Variants in ADAM7 observed in about 807,000 individuals in gnomAD.
ADAM7 encodes disintegrin and metalloproteinase domain-containing protein 7.
In ADAM7, 97 loss-of-function variants were observed where a neutral mutation model predicts 102.9. The ratio of observed to expected loss-of-function variants is 0.94; its 90% CI spans 0.80 to 1.12. The LOEUF is 1.12. Among genes scored for constraint, ADAM7 ranks in the 50% most tolerant of loss-of-function variants. ADAM7 has a pLI of 0.00. For missense variants in ADAM7, 991 were observed against 908.7 expected (o/e 1.09, Z -1.16); for synonymous variants, 334 against 304.4 (o/e 1.10, Z -1.01).
At chr8:24,492,386 T>C (rs1383511016) in intron 14 of ADAM7, 109 bp from the exon 15 acceptor site, 3 of 835,710 alleles carry the variant, frequency 3.6e-6, no homozygotes, top group Non-Finnish European at 5.6e-6. Flanking sequence ...CCATTCTACT[T>C]CACTATGACA....
intron 15 of ADAM7, 112 bp from the exon 16 acceptor site, chr8:24,492,931 C>G: frequency 8.6e-7 from 1 of 1,163,448 alleles, no homozygotes; most frequent in Non-Finnish European, 1.2e-6. Context: ...GCCTCCTTAA[C>G]TTGGCAAGAA....
chr8:24,485,928 G>A (rs1036927034), intron 10 of ADAM7, among the ~76,000 whole-genome samples: 9 of 152,022 alleles, frequency 5.9e-5, no homozygotes, highest in South Asian at 2.1e-4. Flanking sequence ...TCTTTATGTC[G>A]CGCCTAATTG....
rs1243487244 is a variant in ADAM7 at position 24,509,121 on chromosome 8, T to C, written c.*575T>C. 1.0e-6 allele frequency: 1 copy of C among 985,306 alleles called. No homozygotes were observed. The highest frequency in any genetic ancestry group is 1.7e-5 in the African/African-American group (1 of 57,226). The allele number at this position is 985,306 out of a possible 1,614,324, so 61.0% of individuals were successfully genotyped here. A position where few individuals can be genotyped will look rare whatever the true frequency, so the allele number is the denominator to read the frequency against. On this transcript the variant is annotated 3_prime_UTR_variant, in exon 22 of 22. Transcript: ENST00000175238. ...AGGATAGTCCTTAAAATAATGGTGG[T>C]GGGAAAGGAAAACACAGAATGCTCC...
intron 20 of ADAM7, among the ~76,000 whole-genome samples, chr8:24,502,482 T>C (rs1480934551): frequency 1.3e-5 from 2 of 152,012 alleles, no homozygotes; most frequent in Non-Finnish European, 2.9e-5. Flanking sequence ...TTGAGAAGAT[T>C]AATAAATTTT....
At position 24,507,668 on chromosome 8, in the gene ADAM7, ATTTT is replaced by A. The variant is rs11307556; in HGVS notation, c.2264+145_2264+148del. On this transcript the variant is annotated intron_variant, in intron 21 of 21. Coordinates refer to ENST00000175238, the MANE Select transcript of ADAM7 (RefSeq NM_003817.4). Reference sequence around the variant, plus strand: ...ATCACAACAGATTAGGAAGGTTAGAATTTTTTTTTTTTTTTGCTGATATGCTTAA... The same window carrying A: ...ATCACAACAGATTAGGAAGGTTAGAATTTTTTTTTTTGCTGATATGCTTAA... 5.4e-3 allele frequency: 2,960 copies of A among 543,872 alleles called. 56 individuals carry two copies. Among genetic ancestry groups the A allele is most frequent in the African/African-American group, 0.05 (2,535 of 50,968 alleles). 33.7% of individuals were successfully genotyped at this position (543,872 alleles called of 1,614,324 possible). A position where few individuals can be genotyped will look rare whatever the true frequency, so the allele number is the denominator to read the frequency against.
chr8:24,500,240 A>C lies in ADAM7; in HGVS notation c.1986A>C (p.Glu662Asp). 1 of 1,611,308 alleles carries C rather than the reference A, an allele frequency of 6.2e-7. No individual in the cohort carries two copies. Among genetic ancestry groups the C allele is most frequent in the Non-Finnish European group, 8.5e-7 (1 of 1,177,816 alleles). ...EEGQAPVACE[E>D]TLHVTNITIL... is the part of the protein sequence containing the mutation. ...GACAGGCACCTGTAGCCTGTGAAGA[A>C]ACCTTACATGTTACCAGTGAGCATC... Residue 662 changes from glutamate to aspartate, a missense_variant, in exon 18 of 22, where the codon GAA (glutamate) becomes GAC (aspartate). By Grantham distance (45) the Glu-to-Asp change is conservative (BLOSUM62 2). Transcript: ENST00000175238.
At chr8:24,507,378 T>C in intron 20 of ADAM7, 102 bp from the exon 21 acceptor site, 1 of 877,088 alleles carries the variant, frequency 1.1e-6, no homozygotes, top group Non-Finnish European at 1.9e-6. Flanking sequence ...CCTGCGTGTG[T>C]ATGTGCTCAT....
At chr8:24,504,042 ATAAAATAAAATAAAAT>A (rs1341564267) in intron 20 of ADAM7, among the ~76,000 whole-genome samples, 1 of 148,392 alleles carries the variant, frequency 6.7e-6, no homozygotes, top group Non-Finnish European at 1.5e-5. Flanking sequence ...ATAAAATAAA[ATAAAATAAAATAAAAT>A]AAAATAAATA....
chr8:24,500,370 G>C (rs1820716282), intron 18 of ADAM7, 114 bp downstream of exon 18: 1 of 931,892 alleles, frequency 1.1e-6, no homozygotes, highest in Non-Finnish European at 1.6e-6. Flanking sequence ...GGATTTGTAT[G>C]GTCTTCATAT....
At chr8:24,462,669 G>C (rs1302428075) in intron 3 of ADAM7, among the ~76,000 whole-genome samples, 1 of 152,104 alleles carries the variant, frequency 6.6e-6, no homozygotes, top group Non-Finnish European at 1.5e-5. Context: ...TGGAATGTCT[G>C]TCTAGTAGTA....
chr8:24,476,875 G>C (rs1174967738), intron 8 of ADAM7, among the ~76,000 whole-genome samples: 1 of 152,090 alleles, frequency 6.6e-6, no homozygotes, highest in Non-Finnish European at 1.5e-5. Context: ...CCATGGTTTG[G>C]CATAGAAAGT....
chr8:24,486,202 A>G (rs541525206), intron 10 of ADAM7, among the ~76,000 whole-genome samples: 1 of 152,316 alleles, frequency 6.6e-6, no homozygotes, highest in Non-Finnish European at 1.5e-5. Flanking sequence ...GAGTAAGATG[A>G]GATGACCAAA....
Position 24,489,238 on chromosome 8 carries a change from C to A in ADAM7, c.1171C>A (p.Leu391Ile). The change falls in exon 12 of 22, where the codon CTC (leucine) becomes ATC (isoleucine). Residue 391 changes from leucine to isoleucine, a missense_variant. Coordinates refer to ENST00000175238, the MANE Select transcript of ADAM7 (RefSeq NM_003817.4). ...GAAGGATTATAAGCCAACATGCATGCTCAACATTCCATTTCCTTACAATTT... is the reference window on the plus strand; with the variant it reads ...GAAGGATTATAAGCCAACATGCATGATCAACATTCCATTTCCTTACAATTT... ...YLKDYKPTCMLNIPFPYNFHD... is the reference protein window; with the variant it reads ...YLKDYKPTCMINIPFPYNFHD... 1 of 1,613,714 alleles carries A rather than the reference C, an allele frequency of 6.2e-7. No individual in the cohort carries two copies. The highest frequency in any genetic ancestry group is 8.5e-7 in the Non-Finnish European group (1 of 1,179,742).
intron 3 of ADAM7, among the ~76,000 whole-genome samples, chr8:24,453,819 A>G (rs984439364): frequency 2.6e-5 from 4 of 151,972 alleles, no homozygotes; most frequent in African/African-American, 7.3e-5. Context: ...TGATGTACAG[A>G]TGGGTTTTTG....
At chr8:24,460,367 A>G (rs1477483132) in intron 3 of ADAM7, among the ~76,000 whole-genome samples, 2 of 152,026 alleles carry the variant, frequency 1.3e-5, no homozygotes, top group African/African-American at 4.8e-5. Flanking sequence ...ATAGGTTAAC[A>G]TTTAATGTTA....
At chr8:24,466,406 A>C (rs1394100904) in intron 5 of ADAM7, among the ~76,000 whole-genome samples, 1 of 152,198 alleles carries the variant, frequency 6.6e-6, no homozygotes, top group African/African-American at 2.4e-5. Flanking sequence ...CTTTAATGAC[A>C]CAGTTACCAC....
At position 24,500,185 on chromosome 8, in the gene ADAM7, G is replaced by T. The variant is rs1334029936; in HGVS notation, c.1931G>T (p.Gly644Val). 1 of 1,610,218 alleles carries T rather than the reference G, an allele frequency of 6.2e-7. No homozygotes were observed. Among genetic ancestry groups the T allele is most frequent in the Non-Finnish European group, 8.5e-7 (1 of 1,177,418 alleles). The change falls in exon 18 of 22, where the codon GGC becomes GTC. Residue 644 changes from glycine (G) to valine (V), a missense_variant. Coordinates refer to ENST00000175238, the MANE Select transcript of ADAM7 (RefSeq NM_003817.4). ...CATTGACTGCTCTTCCAGGTGGATG[G>T]CCACGGACTCCAGTGCCACTGTGAG... ...PSQCNENPVD[G>V]HGLQCHCEEG...
At chr8:24,451,772 C>A (rs1475957120) in intron 3 of ADAM7, among the ~76,000 whole-genome samples, 4 of 150,450 alleles carry the variant, frequency 2.7e-5, no homozygotes, top group Non-Finnish European at 5.9e-5. Context: ...TTCCTGCTTT[C>A]TCTTGTGGGC....
At position 24,508,559 on chromosome 8, in the gene ADAM7, A is replaced by T. The variant is rs1821027298; in HGVS notation, c.*13A>T. ...GTTTCTATTTAGAGCTTGAAGTTGG[A>T]TATCCAAAATGGCCGTGCAAGCTTA... is the stretch of plus-strand genomic sequence containing the variant. On this transcript the variant is annotated 3_prime_UTR_variant, in exon 22 of 22. Transcript: ENST00000175238. 2 of 1,613,684 alleles carry T rather than the reference A, an allele frequency of 1.2e-6. No individual in the cohort carries two copies. The highest frequency in any genetic ancestry group is 1.7e-6 in the Non-Finnish European group (2 of 1,179,774).
Sources: allele counts gnomAD v4.1 joint callset (sites outside exome capture counted in the v4.1 genomes callset), GRCh38; gene constraint gnomAD v4.1.1; transcripts MANE v1.5; gene names NCBI Gene and HGNC (gene_info 2026-07-23, HGNC 2026-07-21).